MGAT4C: variants seen among roughly 807,000 people sequenced by gnomAD.
MGAT4C encodes the protein alpha-1,3-mannosyl-glycoprotein 4-beta-N-acetylglucosaminyltransferase C.
MGAT4C carries 19 observed loss-of-function variants against 40.1 expected under a neutral mutation model. The observed-to-expected ratio is 0.47, with a 90% CI of 0.33 to 0.70. The LOEUF (loss-of-function observed/expected upper bound fraction) is 0.70, where lower values mean the gene tolerates loss of function less well. MGAT4C is among the 30% of genes least tolerant of loss of function. The pLI, the probability that MGAT4C is intolerant of heterozygous loss-of-function variation, is 0.02. For synonymous variants in MGAT4C, 181 were observed against 187.1 expected, an observed-to-expected ratio of 0.97 and a Z score of 0.27; for missense variants, 491 against 563.2, an observed-to-expected ratio of 0.87 and a Z score of 1.30.
intron 1 of MGAT4C, among the ~76,000 whole-genome samples, chr12:86,821,834 T>C (rs917798112): frequency 6.6e-6 from 1 of 150,950 alleles, no homozygotes; most frequent in African/African-American, 2.4e-5. Context: ...ACTGTCTTTT[T>C]TGGTTTGGAG....
chr12:86,074,616 G>T (rs1452277093), intron 1 of MGAT4C, among the ~76,000 whole-genome samples: 1 of 152,010 alleles, frequency 6.6e-6, no homozygotes, highest in Non-Finnish European at 1.5e-5. Flanking sequence ...ACCTGTATTA[G>T]CTTGTTTTCA....
At chr12:86,768,076 T>C (rs1320226987) in intron 1 of MGAT4C, among the ~76,000 whole-genome samples, 1 of 152,136 alleles carries the variant, frequency 6.6e-6, no homozygotes. Context: ...GAAGTCAAAT[T>C]ATCCCTGTTT....
intron 1 of MGAT4C, among the ~76,000 whole-genome samples, chr12:86,817,201 A>C (rs1952623702): frequency 6.6e-6 from 1 of 151,308 alleles, no homozygotes; most frequent in Non-Finnish European, 1.5e-5. Flanking sequence ...TGTTGAATTT[A>C]ATACTTTTGT....
chr12:86,386,634 T>C (rs560685191), intron 3 of MGAT4C, among the ~76,000 whole-genome samples: 6 of 152,318 alleles, frequency 3.9e-5, no homozygotes, highest in Admixed American at 3.3e-4. Context: ...TCAATGCTTG[T>C]TTCACATTGT....
intron 1 of MGAT4C, among the ~76,000 whole-genome samples, chr12:86,136,363 T>G (rs2135724806): frequency 1.3e-5 from 2 of 152,282 alleles, no homozygotes; most frequent in South Asian, 4.1e-4. Context: ...GCCAGCTAGT[T>G]GCATGTGCTA....
rs188560710 is a variant in MGAT4C, at chr12:86,313,124, C to A, written c.-57+20941G>T. 6.9e-3 allele frequency among the ~76,000 whole-genome samples: 1,051 copies of A among 152,204 alleles called. 7 individuals carry two copies. Among genetic ancestry groups the A allele is most frequent in the Middle Eastern group, 0.014 (4 of 294 alleles). ...AAAAACATGAATTTGGATATTTTCA[C>A]ATTTATTATACAAAAAGACAGTATT... On this transcript the variant is annotated intron_variant, in intron 4 of 7. Coordinates refer to the MGAT4C transcript ENST00000548651.
chr12:86,451,883 G>C (rs905982264), intron 2 of MGAT4C, among the ~76,000 whole-genome samples: 3 of 151,984 alleles, frequency 2.0e-5, no homozygotes, highest in African/African-American at 7.2e-5. Context: ...GTTCTCTGTT[G>C]AAACTTTCAA....
chr12:85,999,363 G>T lies in MGAT4C; in HGVS notation c.-6-9811C>A, dbSNP rs1036723096. Among the ~76,000 whole-genome samples the T allele has an allele frequency of 2.6e-4, 40 of 152,084 alleles. 1 individual carries two copies. Among genetic ancestry groups the T allele is most frequent in the Non-Finnish European group, 2.9e-5 (2 of 68,030 alleles). On this transcript the variant is annotated intron_variant, in intron 2 of 4. Coordinates refer to ENST00000611864, the MANE Select transcript of MGAT4C (RefSeq NM_001351288.2). Reference sequence around the variant, plus strand: ...TCTAAAACAGACCTGATTTGGGGATGACAAGTCTCAATACATTTAAAGAAA... The same window carrying T: ...TCTAAAACAGACCTGATTTGGGGATTACAAGTCTCAATACATTTAAAGAAA...
chr12:86,768,164 C>G (rs1007516133), intron 1 of MGAT4C, among the ~76,000 whole-genome samples: 1 of 152,108 alleles, frequency 6.6e-6, no homozygotes, highest in African/African-American at 2.4e-5. Flanking sequence ...GCAACTTCAG[C>G]AAAGTCTCAG....
At chr12:86,715,006 TAGA>T (rs1306854136) in intron 2 of MGAT4C, among the ~76,000 whole-genome samples, 1 of 152,098 alleles carries the variant, frequency 6.6e-6, no homozygotes, top group Non-Finnish European at 1.5e-5. Flanking sequence ...GAGAAATAAT[TAGA>T]AGTTGTGATA....
chr12:86,247,217 A>C (rs1324059425), intron 1 of MGAT4C, among the ~76,000 whole-genome samples: 2 of 152,220 alleles, frequency 1.3e-5, no homozygotes, highest in African/African-American at 2.4e-5. Flanking sequence ...GAGGCTGCAG[A>C]TATGGGCATG....
In MGAT4C at chr12:86,794,915, T is replaced by C. The variant is rs938448563; in HGVS notation, c.-262+43751A>G. Among the ~76,000 whole-genome samples, 18 of 151,980 alleles carry C rather than the reference T, an allele frequency of 1.2e-4. No homozygotes were observed. In the South Asian group the frequency reaches 2.5e-3, roughly 21 times the overall value. ...ATATCATTGTGAAAATCAGCAGTATTCTATAAAAATGGAACCACTGCACCC... is the reference window on the plus strand; with the variant it reads ...ATATCATTGTGAAAATCAGCAGTATCCTATAAAAATGGAACCACTGCACCC... On this transcript the variant is annotated intron_variant, in intron 1 of 7. Coordinates refer to the MGAT4C transcript ENST00000548651.
chr12:86,427,389 T>C (rs1395515357), intron 3 of MGAT4C, among the ~76,000 whole-genome samples: 1 of 151,946 alleles, frequency 6.6e-6, no homozygotes, highest in Non-Finnish European at 1.5e-5. Flanking sequence ...AATTATAGTA[T>C]ATATTTTCTT....
At chr12:86,366,162 TG>T (rs1386879776) in intron 3 of MGAT4C, among the ~76,000 whole-genome samples, 1 of 152,196 alleles carries the variant, frequency 6.6e-6, no homozygotes, top group East Asian at 1.9e-4. Flanking sequence ...CTATTGTAAA[TG>T]GGATTGTGTT....
At chr12:86,677,650 TTTAA>T (rs970104832) in intron 2 of MGAT4C, among the ~76,000 whole-genome samples, 13 of 152,164 alleles carry the variant, frequency 8.5e-5, no homozygotes, top group African/African-American at 2.2e-4. Context: ...ATAAATATTC[TTTAA>T]TTAATTATTC....
intron 3 of MGAT4C, among the ~76,000 whole-genome samples, chr12:86,341,754 C>G (rs1954910542): frequency 6.6e-6 from 1 of 152,208 alleles, no homozygotes; most frequent in African/African-American, 2.4e-5. Context: ...CAAAATGTGG[C>G]CTGACTGCTG....
intron 1 of MGAT4C, among the ~76,000 whole-genome samples, chr12:86,113,875 G>A (rs1414526167): frequency 1.3e-5 from 2 of 151,876 alleles, no homozygotes; most frequent in Non-Finnish European, 2.9e-5. Context: ...AGGAAAGCAA[G>A]AGAGACTGGA....
intron 1 of MGAT4C, among the ~76,000 whole-genome samples, chr12:86,121,182 GAA>G (rs1879316159): frequency 6.6e-6 from 1 of 152,106 alleles, no homozygotes; most frequent in Non-Finnish European, 1.5e-5. Context: ...GAAGTGAGAA[GAA>G]AAGTTTAGAG....
At chr12:86,324,582 G>T (rs1954478663) in intron 4 of MGAT4C, among the ~76,000 whole-genome samples, 1 of 151,856 alleles carries the variant, frequency 6.6e-6, no homozygotes, top group South Asian at 2.1e-4. Context: ...AAATTTGAAA[G>T]GGAAAATATA....
Sources: gnomAD v4.1 joint callset for allele counts (sites outside exome capture counted in the v4.1 genomes callset) on GRCh38, gnomAD v4.1.1 for gene constraint, MANE v1.5 for transcripts, NCBI Gene and HGNC (gene_info 2026-07-23, HGNC 2026-07-21) for gene names.